Variants in SUGP1 observed in about 807,000 individuals in gnomAD.
The protein encoded by SUGP1 is SURP and G-patch domain-containing protein 1.
SUGP1 carries 34 observed loss-of-function variants against 76.5 expected under a neutral mutation model. The ratio of observed to expected loss-of-function variants is 0.44; its 90% confidence interval spans 0.34 to 0.59. The LOEUF (loss-of-function observed/expected upper bound fraction) is 0.59, where lower values mean the gene tolerates loss of function less well. Among genes scored for constraint, SUGP1 ranks in the 20% least tolerant of loss-of-function variants. The pLI is 0.01. For missense variants in SUGP1, 752 were observed against 851.7 expected (o/e 0.88, Z 1.46); for synonymous variants, 326 against 326.2 (o/e 1.00, Z 0.01).
rs1440222673 is a variant in SUGP1, at chr19:19,283,082, A to G, written c.1244-2791T>C. ...ACAGAGTGAGACTCCATCTCAAAAA[A>G]AAAAAAAAGTTAGGAGTGTCAATGA... On this transcript the variant is annotated intron_variant, in intron 8 of 13. Transcript: ENST00000247001. Among the ~76,000 whole-genome samples the G allele has an allele frequency of 6.7e-5, 9 of 134,258 alleles. No homozygotes were observed. In the South Asian group the frequency reaches 1.0e-3, roughly 15 times the overall value. The allele number at this position is 134,258 out of a possible 152,430, so 88.1% of individuals were successfully genotyped here.
At chr19:19,296,865 G>A in intron 8 of SUGP1, 124 bp downstream of exon 8, 1 of 845,876 alleles carries the variant, frequency 1.2e-6, no homozygotes, top group Non-Finnish European at 1.8e-6. Flanking sequence ...CACAGTGGAA[G>A]ATATGGCCAC....
rs766874780 is a variant in SUGP1 at position 19,297,364 on chromosome 19, G to C, written c.888-20C>G. 1 of 1,501,400 alleles carries C rather than the reference G, an allele frequency of 6.7e-7. No individual in the cohort carries two copies. Among genetic ancestry groups the C allele is most frequent in the Non-Finnish European group, 8.9e-7 (1 of 1,122,842 alleles). The allele number at this position is 1,501,400 out of a possible 1,614,324, so 93.0% of individuals were successfully genotyped here. ...AGAAAGCTGCAAAGGAGAGTTGGGG[G>C]GTGCAGTGTCAGCTGGGCCCGAGGC... On this transcript the variant is annotated intron_variant, in intron 7 of 13. Coordinates refer to ENST00000247001, the MANE Select transcript of SUGP1 (RefSeq NM_172231.4).
Position 19,276,614 on chromosome 19 carries a change from T to A in SUGP1, c.*34A>T, listed in dbSNP as rs766566272. ...GGAACATTCCACAGTCCAGGGACGG[T>A]TGGTCATTCAGAAAGTATGTATTTC... On this transcript the variant is annotated 3_prime_UTR_variant, in exon 14 of 14. Transcript: ENST00000247001. 2 of 1,613,624 alleles carry A rather than the reference T, an allele frequency of 1.2e-6. No homozygotes were observed. The highest frequency in any genetic ancestry group is 2.7e-5 in the African/African-American group (2 of 74,964).
chr19:19,312,313 G>A (rs1251498013), intron 2 of SUGP1, among the ~76,000 whole-genome samples: 1 of 152,166 alleles, frequency 6.6e-6, no homozygotes, highest in Non-Finnish European at 1.5e-5. Flanking sequence ...ATTAACACTG[G>A]TATATATCTT....
chr19:19,286,777 GTCA>G (rs1158702705), intron 8 of SUGP1, among the ~76,000 whole-genome samples: 1 of 152,062 alleles, frequency 6.6e-6, no homozygotes, highest in African/African-American at 2.4e-5. Flanking sequence ...GGCGCAGCGG[GTCA>G]TGCCTACAAT....
chr19:19,285,412 C>A (rs1205733143), intron 8 of SUGP1, among the ~76,000 whole-genome samples: 1 of 152,042 alleles, frequency 6.6e-6, no homozygotes, highest in Admixed American at 6.6e-5. Flanking sequence ...AGTGATCCAC[C>A]CACACTGGCC....
chr19:19,297,142 T>C lies in SUGP1; in HGVS notation c.1090A>G (p.Ile364Val). ...PASSTPAPTI[I>V]PAPAAPGKPA... The stretch of plus-strand genomic sequence containing the variant: ...TTCCCGGGGGCAGCTGGAGCAGGGA[T>C]GATAGTGGGCGCAGGCGTGGACGAG... Residue 364 changes from isoleucine (I) to valine (V), a missense_variant, in exon 8 of 14, where the codon ATC (isoleucine) becomes GTC (valine). Transcript: ENST00000247001. 2 of 1,613,726 alleles carry C rather than the reference T, an allele frequency of 1.2e-6. No individual in the cohort carries two copies. The highest frequency in any genetic ancestry group is 1.7e-6 in the Non-Finnish European group (2 of 1,179,840).
At chr19:19,302,571 C>A in intron 6 of SUGP1, 183 bp from the exon 7 acceptor site, 1 of 835,004 alleles carries the variant, frequency 1.2e-6, no homozygotes, top group Non-Finnish European at 1.8e-6. Context: ...CTCAAGCCCC[C>A]ACCCCCGACC....
At chr19:19,294,952 C>A (rs568793750) in intron 8 of SUGP1, among the ~76,000 whole-genome samples, 1 of 152,204 alleles carries the variant, frequency 6.6e-6, no homozygotes, top group Non-Finnish European at 1.5e-5. Context: ...GGGTTAATAT[C>A]CAGAATCTAT....
At chr19:19,312,770 G>T (rs574478584) in intron 2 of SUGP1, among the ~76,000 whole-genome samples, 5 of 151,466 alleles carry the variant, frequency 3.3e-5, no homozygotes, top group Admixed American at 3.3e-4. Context: ...GGTGGATCAC[G>T]TGGTCAGGAG....
intron 7 of SUGP1, among the ~76,000 whole-genome samples, chr19:19,297,910 C>T (rs955850526): frequency 6.6e-6 from 1 of 152,208 alleles, no homozygotes; most frequent in African/African-American, 2.4e-5. Context: ...CTGAGGAGCA[C>T]AGCAGGTGGC....
intron 8 of SUGP1, among the ~76,000 whole-genome samples, chr19:19,292,938 ACT>A (rs1190576795): frequency 1.3e-5 from 2 of 151,720 alleles, no homozygotes; most frequent in Non-Finnish European, 1.5e-5. Context: ...ACTCAGTCTC[ACT>A]CTGTTGCCCA....
chr19:19,292,846 C>T (rs1395154652), intron 8 of SUGP1, among the ~76,000 whole-genome samples: 1 of 152,110 alleles, frequency 6.6e-6, no homozygotes, highest in African/African-American at 2.4e-5. Flanking sequence ...GAAAATCAAT[C>T]CATGTAATAC....
At chr19:19,294,451 G>C (rs902600987) in intron 8 of SUGP1, among the ~76,000 whole-genome samples, 5 of 149,940 alleles carry the variant, frequency 3.3e-5, no homozygotes, top group African/African-American at 1.2e-4. Flanking sequence ...TTGAGCTTGG[G>C]GAGGTCGAGG....
Position 19,314,691 on chromosome 19 carries a change from C to T in SUGP1, c.206+1731G>A, listed in dbSNP as rs560008228. Among the ~76,000 whole-genome samples, 7 of 152,186 alleles carry T rather than the reference C, an allele frequency of 4.6e-5. No homozygotes were observed. In the East Asian group the frequency reaches 5.8e-4, roughly 13 times the overall value. ...ATCACATTCAGGCTGCAGAGTACAG[C>T]GAACGGCTCCCACCTGAAAACCACT... On this transcript the variant is annotated intron_variant, in intron 2 of 13. Coordinates refer to ENST00000247001, the MANE Select transcript of SUGP1 (RefSeq NM_172231.4).
At chr19:19,280,850 G>C (rs2061093057) in intron 8 of SUGP1, 1 of 152,546 alleles carries the variant, frequency 6.6e-6, no homozygotes, top group African/African-American at 2.4e-5. Context: ...AACTTGGCAG[G>C]CTCCAGTAAC....
chr19:19,288,331 A>C (rs751378837), intron 8 of SUGP1, among the ~76,000 whole-genome samples: 1 of 152,164 alleles, frequency 6.6e-6, no homozygotes, highest in South Asian at 2.1e-4. Flanking sequence ...CAGCCTGGCT[A>C]ATTTTTCCTA....
At chr19:19,314,880 C>T (rs1264788042) in intron 2 of SUGP1, among the ~76,000 whole-genome samples, 1 of 152,128 alleles carries the variant, frequency 6.6e-6, no homozygotes, top group South Asian at 2.1e-4. Context: ...ACTAAAAATA[C>T]AAAATTGGCT....
chr19:19,279,491 C>G lies in SUGP1; in HGVS notation c.1351-101G>C, dbSNP rs3764604. 4 of 1,340,728 alleles carry G rather than the reference C, an allele frequency of 3.0e-6. No individual in the cohort carries two copies. The Admixed American group carries it at 6.5e-5, about 22-fold the overall frequency. The allele number at this position is 1,340,728 out of a possible 1,614,324, so 83.1% of individuals were successfully genotyped here. A position where few individuals can be genotyped will look rare whatever the true frequency, so the allele number is the denominator to read the frequency against. On this transcript the variant is annotated intron_variant, in intron 9 of 13. Coordinates refer to ENST00000247001, the MANE Select transcript of SUGP1 (RefSeq NM_172231.4). ...CAGTGCTGGGCATCCCCCGCCGGAA[C>G]GTGGCTCATCTGGACCCCTGGGCAG...
Sources: allele counts gnomAD v4.1 joint callset (sites outside exome capture counted in the v4.1 genomes callset), GRCh38; gene constraint gnomAD v4.1.1; transcripts MANE v1.5; gene names NCBI Gene and HGNC (gene_info 2026-07-23, HGNC 2026-07-21).